The following SEM1 variants were observed in gnomAD, a reference collection of about 807,000 sequenced individuals.
SEM1 encodes SEM1 26S proteasome subunit, also known as 26S proteasome complex subunit SEM1.
A neutral mutation model predicts 12.7 loss-of-function variants in SEM1; 3 were observed. That is an observed-to-expected ratio of 0.24 (90% CI 0.11 to 0.61). SEM1 has a LOEUF of 0.61. SEM1 is among the 20% of genes least tolerant of loss of function. The pLI is 0.88. For missense variants in SEM1, 59 were observed against 81.3 expected, an observed-to-expected ratio of 0.73 and a Z score of 1.06; for synonymous variants, 30 against 27.8, an observed-to-expected ratio of 1.08 and a Z score of -0.25.
chr7:96,496,347 T>A, upstream of SEM1: 1 of 1,351,652 alleles, frequency 7.4e-7, no homozygotes, highest in Non-Finnish European at 1.0e-6. Flanking sequence ...TTTCTCTGTG[T>A]GAAATAAATT....
chr7:96,489,772 T>G (rs774578076), intron 1 of SEM1, among the ~76,000 whole-genome samples: 9 of 152,290 alleles, frequency 5.9e-5, no homozygotes, highest in Admixed American at 1.3e-4. Context: ...TGGTTTGTAA[T>G]TGTATCACTC....
intron 2 of SEM1, among the ~76,000 whole-genome samples, chr7:96,552,428 A>G (rs1805313584): frequency 6.6e-6 from 1 of 150,956 alleles, no homozygotes; most frequent in Non-Finnish European, 1.5e-5. Context: ...CCTATGAGTG[A>G]GAATATGCGG....
intron 2 of SEM1, among the ~76,000 whole-genome samples, chr7:96,627,984 T>A (rs7784723): frequency 0.92 from 140,203 of 152,078 alleles, 65,671 homozygotes; most frequent in East Asian, 1. Context: ...AAATGTTATA[T>A]CCTCTTGCTA....
At position 96,568,137 on chromosome 7, in the gene SEM1, T is replaced by G. The variant is rs967263141; in HGVS notation, c.171-61439A>C. ...TGTAATATAATCTGGGCCTGATGCC[T>G]GCAACTTTTGAACAACTTTTATAAT... On this transcript the variant is annotated intron_variant and NMD_transcript_variant, in intron 2 of 3. Transcript: ENST00000466986. 3.3e-5 allele frequency among the ~76,000 whole-genome samples: 5 copies of G among 151,840 alleles called. No homozygotes were observed. In the South Asian group the frequency reaches 8.3e-4, roughly 25 times the overall value.
intron 2 of SEM1, among the ~76,000 whole-genome samples, chr7:96,667,476 C>T (rs1346177562): frequency 1.3e-5 from 2 of 152,148 alleles, no homozygotes; most frequent in Non-Finnish European, 2.9e-5. Flanking sequence ...CTATTGGCCA[C>T]GGTAAACTTG....
intron 2 of SEM1, among the ~76,000 whole-genome samples, chr7:96,535,786 G>A (rs1277616897): frequency 6.6e-6 from 1 of 151,908 alleles, no homozygotes; most frequent in Non-Finnish European, 1.5e-5. Context: ...TAAAGGACAT[G>A]ATTTTTTACT....
rs1330208350 is a variant in SEM1 at position 96,640,754 on chromosome 7, A to G, written c.171-18111T>C. 6.6e-6 allele frequency among the ~76,000 whole-genome samples: 1 copy of G among 151,982 alleles called. No individual in the cohort carries two copies. Among genetic ancestry groups the G allele is most frequent in the Admixed American group, 6.6e-5 (1 of 15,226 alleles). ...GATGATGTGTTACTGGAAGTTCATT[A>G]GCTGTAACAAATGTACCACTCTGTG... is the stretch of plus-strand genomic sequence containing the variant. On this transcript the variant is annotated intron_variant, in intron 2 of 2. Coordinates refer to the SEM1 transcript ENST00000417009. This position sits in a 1 kb window ranked among gnomAD's most constrained non-coding sequence, Gnocchi z 4.0.
intron 1 of SEM1, among the ~76,000 whole-genome samples, chr7:96,705,861 A>C (rs1298096088): frequency 3.3e-5 from 5 of 152,020 alleles, no homozygotes; most frequent in Non-Finnish European, 7.4e-5. Flanking sequence ...AGACTACTTC[A>C]GTTTTTGACT....
intron 2 of SEM1, among the ~76,000 whole-genome samples, chr7:96,565,992 G>C (rs893542720): frequency 6.6e-6 from 1 of 151,744 alleles, no homozygotes; most frequent in Non-Finnish European, 1.5e-5. Flanking sequence ...TAGCACTTTT[G>C]TCCAAATCAT....
intron 1 of SEM1, among the ~76,000 whole-genome samples, chr7:96,492,114 A>G (rs4507687): frequency 0.34 from 51,734 of 152,058 alleles, 10,217 homozygotes; most frequent in East Asian, 0.69. Context: ...ATTGTTGAGT[A>G]TACATTTCAG....
chr7:96,583,924 A>C (rs538636268), intron 2 of SEM1, among the ~76,000 whole-genome samples: 60 of 151,576 alleles, frequency 4.0e-4, no homozygotes, highest in Admixed American at 1.3e-3. Context: ...CTCTTTATCC[A>C]GTTTGCCAGT....
At chr7:96,612,697 G>T (rs1013941384) in intron 2 of SEM1, among the ~76,000 whole-genome samples, 1 of 152,062 alleles carries the variant, frequency 6.6e-6, no homozygotes, top group Non-Finnish European at 1.5e-5. Flanking sequence ...GTGCAGTGGC[G>T]CAATCTCAGC....
chr7:96,587,664 T>TC (rs1246740495), intron 2 of SEM1, among the ~76,000 whole-genome samples: 308 of 136,946 alleles, frequency 2.2e-3, no homozygotes, highest in African/African-American at 7.7e-3. Flanking sequence ...TTTTTTTTTT[T>TC]TCCCCAGGAA....
intron 3 of SEM1, among the ~76,000 whole-genome samples, chr7:96,503,264 T>A (rs1188825948): frequency 6.6e-6 from 1 of 152,142 alleles, no homozygotes; most frequent in Non-Finnish European, 1.5e-5. Context: ...TGTTTTATAG[T>A]TATTATTATT....
intron 1 of SEM1, among the ~76,000 whole-genome samples, chr7:96,699,864 A>G (rs1232574598): frequency 6.6e-6 from 1 of 152,182 alleles, no homozygotes; most frequent in Non-Finnish European, 1.5e-5. Context: ...ACCCCAGGAT[A>G]AACACTTCCA....
downstream of SEM1, among the ~76,000 whole-genome samples, chr7:96,686,531 G>A (rs1157428177): frequency 6.6e-6 from 1 of 152,008 alleles, no homozygotes; most frequent in East Asian, 1.9e-4. Context: ...CCAAAATATT[G>A]AGAAAATGCA....
intron 2 of SEM1, among the ~76,000 whole-genome samples, chr7:96,654,178 G>C (rs184336104): frequency 6.6e-6 from 1 of 152,284 alleles, no homozygotes; most frequent in Non-Finnish European, 1.5e-5. Flanking sequence ...ACTCATACTA[G>C]AGTTCACTAG....
chr7:96,563,845 C>A lies in SEM1; in HGVS notation c.171-57147G>T, dbSNP rs145367214. On this transcript the variant is annotated intron_variant and NMD_transcript_variant, in intron 2 of 3. Coordinates refer to the SEM1 transcript ENST00000466986. ...TTCTTGTATATAAAGAGAAATCCAC[C>A]CAGATTAGCCTATAAATTCAGTAAA... Among the ~76,000 whole-genome samples, 7 of 150,514 alleles carry A rather than the reference C, an allele frequency of 4.7e-5. No individual in the cohort carries two copies. In the East Asian group the frequency reaches 1.4e-3, roughly 30 times the overall value.
chr7:96,590,490 A>AT (rs1563074990), intron 2 of SEM1, among the ~76,000 whole-genome samples: 3 of 152,260 alleles, frequency 2.0e-5, no homozygotes, highest in Non-Finnish European at 4.4e-5. Context: ...TTATATATAC[A>AT]GACTATGCTT....
Sources: allele counts gnomAD v4.1 joint callset (sites outside exome capture counted in the v4.1 genomes callset), GRCh38; gene constraint gnomAD v4.1.1; non-coding constraint Gnocchi (gnomAD v3.1); transcripts MANE v1.5; gene names NCBI Gene and HGNC (gene_info 2026-07-23, HGNC 2026-07-21).